Variants in HEATR5B observed in about 807,000 individuals in gnomAD.
HEATR5B encodes the protein HEAT repeat containing 5B.
In HEATR5B, 156 loss-of-function variants were observed where a neutral mutation model predicts 224.1. That is an observed-to-expected ratio of 0.70 (90% CI 0.61 to 0.80). HEATR5B has a LOEUF of 0.80. HEATR5B is among the 30% of genes least tolerant of loss of function. The pLI, the probability that HEATR5B is intolerant of heterozygous loss-of-function variation, is 0.00. For missense variants in HEATR5B, 2,323 were observed against 2,535.5 expected, an observed-to-expected ratio of 0.92 and a Z score of 1.80; for synonymous variants, 1,027 against 893.0, an observed-to-expected ratio of 1.15 and a Z score of -2.68.
intron 35 of HEATR5B, among the ~76,000 whole-genome samples, chr2:36,984,694 A>G (rs1665829175): frequency 1.3e-5 from 2 of 152,182 alleles, no homozygotes; most frequent in Admixed American, 1.3e-4. Flanking sequence ...GTTAGTAGGT[A>G]CACGTTGGGG....
At chr2:37,054,190 C>CTTTT (rs1242821499) in intron 16 of HEATR5B, among the ~76,000 whole-genome samples, 4 of 93,714 alleles carry the variant, frequency 4.3e-5, no homozygotes, top group South Asian at 3.3e-4. Flanking sequence ...GATGATTTCT[C>CTTTT]TGTTTTTTTT....
Position 36,988,869 on chromosome 2 carries a change from A to C in HEATR5B, c.5698-10T>G. 6.3e-7 allele frequency: 1 copy of C among 1,590,536 alleles called. No homozygotes were observed. Among genetic ancestry groups the C allele is most frequent in the Non-Finnish European group, 8.6e-7 (1 of 1,158,730 alleles). ...AACATTTGGCTTGAACCTATATAAGAAGAACATATTATCAATTAACATGTG... is the reference window on the plus strand; with the variant it reads ...AACATTTGGCTTGAACCTATATAAGCAGAACATATTATCAATTAACATGTG... On this transcript the variant is annotated splice_polypyrimidine_tract_variant and intron_variant, in intron 34 of 35. Transcript: ENST00000233099.
intron 18 of HEATR5B, 79 bp from the exon 19 acceptor site, chr2:37,041,371 C>T (rs563984746): frequency 4.0e-5 from 54 of 1,335,768 alleles, no homozygotes; most frequent in Non-Finnish European, 5.6e-5. Flanking sequence ...CACACAAAAA[C>T]TGGGATTTAT....
chr2:37,028,595 G>T, intron 23 of HEATR5B, 86 bp downstream of exon 23: 1 of 976,776 alleles, frequency 1.0e-6, no homozygotes, highest in Non-Finnish European at 1.5e-6. Context: ...TAATTTACAT[G>T]TATGTATCTT....
intron 24 of HEATR5B, among the ~76,000 whole-genome samples, chr2:37,026,077 C>T (rs1005274792): frequency 2.6e-5 from 4 of 152,160 alleles, no homozygotes. Flanking sequence ...AAGGCAGACC[C>T]AGTCTAATCA....
chr2:36,999,303 A>G (rs1000475494), intron 33 of HEATR5B, among the ~76,000 whole-genome samples: 16 of 152,330 alleles, frequency 1.1e-4, no homozygotes, highest in African/African-American at 2.9e-4. Flanking sequence ...AGTGACAGGT[A>G]CTTCAATTTT....
intron 30 of HEATR5B, among the ~76,000 whole-genome samples, chr2:37,004,266 T>C (rs1275346857): frequency 6.6e-6 from 1 of 151,864 alleles, no homozygotes; most frequent in Non-Finnish European, 1.5e-5. Context: ...CAGCCTCTTA[T>C]GTGAGGCTTA....
chr2:36,986,999 C>T (rs58762847), intron 35 of HEATR5B, among the ~76,000 whole-genome samples: 48,130 of 151,570 alleles, frequency 0.32, 8,124 homozygotes, highest in African/African-American at 0.38. Context: ...GTGATCTGCT[C>T]ACCTTGGCCT....
At chr2:36,987,420 C>T (rs372112832) in intron 35 of HEATR5B, among the ~76,000 whole-genome samples, 1 of 113,010 alleles carries the variant, frequency 8.8e-6, no homozygotes, top group African/African-American at 3.1e-5. Context: ...GACTTTGTTT[C>T]AAAAAAAAAA....
chr2:37,061,226 C>G (rs1321936491), intron 11 of HEATR5B, among the ~76,000 whole-genome samples: 3 of 152,028 alleles, frequency 2.0e-5, no homozygotes, highest in Non-Finnish European at 4.4e-5. Context: ...ATATTCAGAC[C>G]TAGGAATCTA....
At position 37,050,242 on chromosome 2, in the gene HEATR5B, C is replaced by T. The variant is rs557537630; in HGVS notation, c.2506-399G>A. On this transcript the variant is annotated intron_variant, in intron 17 of 35. Transcript: ENST00000233099. ...CTGCAATCTTTCTAAAATATACATA[C>T]ATCTTCATAAGTTATTTTCTTCAAC... Among the ~76,000 whole-genome samples the T allele has an allele frequency of 6.6e-5, 10 of 152,252 alleles. No individual in the cohort carries two copies. The East Asian group carries it at 1.5e-3, about 23-fold the overall frequency.
intron 25 of HEATR5B, 131 bp downstream of exon 25, chr2:37,020,524 G>A: frequency 1.8e-6 from 1 of 553,466 alleles, no homozygotes; most frequent in Non-Finnish European, 3.1e-6. Flanking sequence ...ACAGACAATG[G>A]AGATAAAGAG....
rs568801477 is a variant in HEATR5B, at chr2:36,998,036, T to C, written c.5545+2550A>G. Among the ~76,000 whole-genome samples the C allele has an allele frequency of 8.5e-5, 13 of 152,348 alleles. No individual in the cohort carries two copies. The East Asian group carries it at 2.5e-3, about 29-fold the overall frequency. On this transcript the variant is annotated intron_variant, in intron 33 of 35. Coordinates refer to ENST00000233099, the MANE Select transcript of HEATR5B (RefSeq NM_019024.3). ...AATGTGCTTTTATCATATATTATAT[T>C]TTATCATATATTACATTCTCACATG...
chr2:37,008,996 A>G, intron 27 of HEATR5B, 148 bp from the exon 28 acceptor site: 1 of 668,832 alleles, frequency 1.5e-6, no homozygotes, highest in African/African-American at 1.8e-5. Context: ...GCGGTGGCTC[A>G]CACCTGTAAT....
chr2:37,034,005 A>G (rs1283508378), intron 21 of HEATR5B, among the ~76,000 whole-genome samples: 1 of 152,160 alleles, frequency 6.6e-6, no homozygotes, highest in Non-Finnish European at 1.5e-5. Context: ...ATGGGGATGG[A>G]GAAGAACACA....
chr2:37,068,694 T>C lies in HEATR5B; in HGVS notation c.1164A>G (p.Gln388=), dbSNP rs2148581440. 1 of 1,614,130 alleles carries C rather than the reference T, an allele frequency of 6.2e-7. No individual in the cohort carries two copies. The highest frequency in any genetic ancestry group is 8.5e-7 in the Non-Finnish European group (1 of 1,180,018). ...ACTGATTCTTACCTACGGCTTTCAT[T>C]TGTTTTCCAATAGCTTGGCAGATTT... ...AKEICQAIGK[Q]MKAVEAVVND... The change falls in exon 8 of 36, where the codon CAA becomes CAG. Residue 388 remains glutamine, a synonymous_variant. Coordinates refer to ENST00000233099, the MANE Select transcript of HEATR5B (RefSeq NM_019024.3).
At position 37,029,976 on chromosome 2, in the gene HEATR5B, A is replaced by AAATAAATAAAT. The variant is rs1558753810; in HGVS notation, c.3362-1057_3362-1056insATTTATTTATT. Among the ~76,000 whole-genome samples, 5 of 109,910 alleles carry AAATAAATAAAT rather than the reference A, an allele frequency of 4.5e-5. No individual in the cohort carries two copies. In the South Asian group the frequency reaches 8.2e-4, roughly 18 times the overall value. The allele number at this position is 109,910 out of a possible 152,430, so 72.1% of individuals were successfully genotyped here. On this transcript the variant is annotated intron_variant, in intron 22 of 35. Coordinates refer to ENST00000233099, the MANE Select transcript of HEATR5B (RefSeq NM_019024.3). ...ATAAATAAATAAATAAATAAATAAA[A>AAATAAATAAAT]ATTGGGAAAATCCAAAGAGTAACAA...
intron 27 of HEATR5B, 90 bp downstream of exon 27, chr2:37,013,751 C>A: frequency 6.6e-6 from 8 of 1,216,158 alleles, no homozygotes; most frequent in Non-Finnish European, 9.0e-6. Flanking sequence ...TTTTAAAAAA[C>A]AAAAATTTTT....
rs756345734 is a variant in HEATR5B, at chr2:37,072,217, G to C, written c.662C>G (p.Thr221Ser). The change falls in exon 6 of 36, where the codon ACT becomes AGT. Residue 221 changes from threonine (T) to serine (S), a missense_variant. By Grantham distance (58) the Thr-to-Ser change is moderately conservative. Around this residue, in one of 12 missense-constraint regions of HEATR5B, gnomAD observed 292 missense variants for 332.6 expected, o/e 0.88. Transcript: ENST00000233099. ...MWTAELENIA[T>S]LCFKALENSN... Reference sequence around the variant, plus strand: ...GTTTTCCAAAGCCTTAAAGCAGAGAGTGGCTATATTTTCTAGTTCAGCAGT... The same window carrying C: ...GTTTTCCAAAGCCTTAAAGCAGAGACTGGCTATATTTTCTAGTTCAGCAGT... 6.2e-7 allele frequency: 1 copy of C among 1,613,540 alleles called. No individual in the cohort carries two copies. Among genetic ancestry groups the C allele is most frequent in the African/African-American group, 1.3e-5 (1 of 74,880 alleles).
Sources: allele counts gnomAD v4.1 joint callset (sites outside exome capture counted in the v4.1 genomes callset), GRCh38; gene constraint gnomAD v4.1.1; regional missense constraint gnomAD v4.1.1; transcripts MANE v1.5; gene names NCBI Gene and HGNC (gene_info 2026-07-23, HGNC 2026-07-21).